DPP10: variants seen among roughly 807,000 people sequenced by gnomAD.
The protein encoded by DPP10 is inactive dipeptidyl peptidase 10.
A neutral mutation model predicts 120.9 loss-of-function variants in DPP10; 33 were observed. The ratio of observed to expected loss-of-function variants is 0.27; its 90% CI spans 0.21 to 0.37. DPP10 has a LOEUF of 0.37. DPP10 is among the 10% of genes least tolerant of loss of function. The pLI is 1.00. For missense variants in DPP10, 816 were observed against 942.8 expected (o/e 0.87, Z 1.76); for synonymous variants, 337 against 326.1 (o/e 1.03, Z -0.36).
intron 1 of DPP10, among the ~76,000 whole-genome samples, chr2:114,834,259 ACATATCTACACACCTATGTATATATAAGC>A (rs1687419630): frequency 1.0e-5 from 1 of 97,434 alleles, no homozygotes; most frequent in Non-Finnish European, 2.2e-5. Context: ...TATATATAAG[ACATATCTACACACCTATGTATATATAAGC>A]CATGTCTACA....
At chr2:114,519,414 G>A (rs1217392096) in intron 1 of DPP10, among the ~76,000 whole-genome samples, 1 of 152,142 alleles carries the variant, frequency 6.6e-6, no homozygotes. Context: ...GCTATCCTTT[G>A]GCCAGTGCCA....
At chr2:115,483,667 A>G (rs1039515078) in intron 3 of DPP10, among the ~76,000 whole-genome samples, 2 of 152,150 alleles carry the variant, frequency 1.3e-5, no homozygotes, top group Non-Finnish European at 2.9e-5. Context: ...GCAATAAAAA[A>G]TGTACTCTCC....
chr2:115,376,783 T>G (rs2065836528), intron 3 of DPP10, among the ~76,000 whole-genome samples: 1 of 149,686 alleles, frequency 6.7e-6, no homozygotes, highest in African/African-American at 2.5e-5. Context: ...TTCCCACCTA[T>G]GAGTCAGAAT....
intron 1 of DPP10, among the ~76,000 whole-genome samples, chr2:114,959,248 T>C (rs1698436441): frequency 6.6e-6 from 1 of 152,190 alleles, no homozygotes. Flanking sequence ...TCACTAGTTT[T>C]AAGTATATTC....
At chr2:115,456,698 A>G (rs1436560812) in intron 3 of DPP10, among the ~76,000 whole-genome samples, 1 of 152,152 alleles carries the variant, frequency 6.6e-6, no homozygotes, top group Non-Finnish European at 1.5e-5. Context: ...TTCTCAGCAA[A>G]CTAACACAAG....
At chr2:114,497,969 C>T (rs1218315500) in intron 1 of DPP10, among the ~76,000 whole-genome samples, 1 of 152,176 alleles carries the variant, frequency 6.6e-6, no homozygotes. Flanking sequence ...TTCACTCTAG[C>T]CTTGCCTTCT....
chr2:115,305,484 G>T lies in DPP10; in HGVS notation c.61-3755G>T, dbSNP rs1435578566. Among the ~76,000 whole-genome samples the T allele has an allele frequency of 2.0e-5, 3 of 152,042 alleles. No individual in the cohort carries two copies. In the East Asian group the frequency reaches 5.8e-4, roughly 29 times the overall value. ...GTAGTGGCTTATGGTTTTAATCCCA[G>T]AGCTTTGGGAGACTGACACAGGAGG... On this transcript the variant is annotated intron_variant, in intron 1 of 25. Transcript: ENST00000410059.
At chr2:115,166,527 A>G (rs918212624) in intron 1 of DPP10, among the ~76,000 whole-genome samples, 2 of 138,838 alleles carry the variant, frequency 1.4e-5, no homozygotes, top group African/African-American at 5.5e-5. Flanking sequence ...TAATATAAAT[A>G]TATATATAAA....
chr2:115,561,102 A>G (rs2080629473), intron 5 of DPP10, among the ~76,000 whole-genome samples: 1 of 152,066 alleles, frequency 6.6e-6, no homozygotes, highest in Admixed American at 6.5e-5. Flanking sequence ...TAATCCCAGC[A>G]CTTTGGGAGG....
At chr2:115,225,143 T>C (rs2057370519) in intron 1 of DPP10, among the ~76,000 whole-genome samples, 1 of 152,016 alleles carries the variant, frequency 6.6e-6, no homozygotes, top group African/African-American at 2.4e-5. Flanking sequence ...TCTTAAGGCA[T>C]TTGTGGGGAG....
intron 1 of DPP10, among the ~76,000 whole-genome samples, chr2:114,648,044 T>C (rs1219449184): frequency 6.6e-6 from 1 of 152,142 alleles, no homozygotes; most frequent in Admixed American, 6.6e-5. Flanking sequence ...CAGGGCAAGG[T>C]TAGACAGGTT....
At chr2:114,513,030 G>A (rs763808926) in intron 1 of DPP10, among the ~76,000 whole-genome samples, 11 of 152,050 alleles carry the variant, frequency 7.2e-5, no homozygotes, top group African/African-American at 2.7e-4. Context: ...GAAGGGGGAG[G>A]GAAGGGAGGA....
chr2:115,558,569 C>G (rs1244866426), intron 5 of DPP10, among the ~76,000 whole-genome samples: 1 of 151,994 alleles, frequency 6.6e-6, no homozygotes, highest in Non-Finnish European at 1.5e-5. Flanking sequence ...TGGGTGGTCT[C>G]TATACCACAG....
At chr2:115,591,865 C>T (rs1476573229) in intron 5 of DPP10, among the ~76,000 whole-genome samples, 2 of 152,126 alleles carry the variant, frequency 1.3e-5, no homozygotes, top group African/African-American at 4.8e-5. Context: ...TGAAGAGGTC[C>T]TTCACATCCC....
chr2:115,058,396 C>A (rs1277275289), intron 1 of DPP10, among the ~76,000 whole-genome samples: 2 of 150,984 alleles, frequency 1.3e-5, no homozygotes, highest in Admixed American at 6.6e-5. Flanking sequence ...ATTTCCAACT[C>A]TTTGTCTTTT....
chr2:115,260,195 CTA>C (rs981423012), intron 1 of DPP10, among the ~76,000 whole-genome samples: 25 of 151,406 alleles, frequency 1.7e-4, no homozygotes, highest in African/African-American at 5.3e-4. Flanking sequence ...TGTATCATGA[CTA>C]TGTATAACTT....
chr2:115,758,225 T>G (rs1679667575), intron 11 of DPP10, among the ~76,000 whole-genome samples: 1 of 152,130 alleles, frequency 6.6e-6, no homozygotes, highest in African/African-American at 2.4e-5. Context: ...GCATTCAGGT[T>G]TCTCAAACCA....
At chr2:114,461,870 G>A (rs866501135) in intron 1 of DPP10, 1 of 985,398 alleles carries the variant, frequency 1.0e-6, no homozygotes, top group Non-Finnish European at 1.2e-6. Flanking sequence ...AATGGAAAAT[G>A]AAAAAGAGAC....
At chr2:114,685,393 TG>T (rs1699297592) in intron 1 of DPP10, among the ~76,000 whole-genome samples, 2 of 152,024 alleles carry the variant, frequency 1.3e-5, no homozygotes, top group African/African-American at 4.8e-5. Context: ...TCTCAGTTTT[TG>T]TCAATAATTA....
Sources: allele counts gnomAD v4.1 joint callset (sites outside exome capture counted in the v4.1 genomes callset), GRCh38; gene constraint gnomAD v4.1.1; transcripts MANE v1.5; gene names NCBI Gene and HGNC (gene_info 2026-07-23, HGNC 2026-07-21).